Variants in BLTP2 observed in about 807,000 individuals in gnomAD.
BLTP2 encodes the protein bridge-like lipid transfer protein family member 2.
the BLTP2 span, chr17:28,642,373 C>T: frequency 1.7e-5 from 27 of 1,596,014 alleles, 1 homozygote; most frequent in Middle Eastern, 6.6e-4. Flanking sequence ...TTGGCCTTGC[C>T]GGGCGCGGTG....
the BLTP2 span, chr17:28,614,907 A>G: frequency 5.7e-6 from 4 of 695,740 alleles, no homozygotes; most frequent in South Asian, 7.2e-5. Context: ...ACTGTCCACC[A>G]TGCCCTGCAG....
At chr17:28,621,327 T>C in the BLTP2 span, 7 of 1,442,734 alleles carry the variant, frequency 4.9e-6, no homozygotes, top group African/African-American at 7.0e-5. Context: ...TAAGAATAGG[T>C]AGGGAAATGA....
the BLTP2 span, chr17:28,643,746 T>C: frequency 2.3e-6 from 3 of 1,325,250 alleles, no homozygotes; most frequent in Middle Eastern, 1.8e-4. Context: ...TCTGGATTAT[T>C]AGAATTTCTC....
chr17:28,629,707 G>A, the BLTP2 span, among the ~76,000 whole-genome samples: 1 of 152,134 alleles, frequency 6.6e-6, no homozygotes, highest in African/African-American at 2.4e-5. Flanking sequence ...TCAAACTCCT[G>A]ACCTCAAATG....
At chr17:28,628,815 T>C in the BLTP2 span, among the ~76,000 whole-genome samples, 3 of 151,812 alleles carry the variant, frequency 2.0e-5, no homozygotes, top group Non-Finnish European at 4.4e-5. Flanking sequence ...GCACTGGTAA[T>C]CCCAGCTACT....
the BLTP2 span, chr17:28,634,508 A>G: frequency 3.1e-6 from 5 of 1,605,354 alleles, no homozygotes; most frequent in South Asian, 4.4e-5. Flanking sequence ...TAAAGGAAAC[A>G]CTACTTACCC....
chr17:28,623,975 G>A, the BLTP2 span: 21 of 1,612,578 alleles, frequency 1.3e-5, no homozygotes, highest in South Asian at 2.3e-4. Context: ...ATCTATGCCA[G>A]AGATAGAAGC....
the BLTP2 span, among the ~76,000 whole-genome samples, chr17:28,644,823 C>T: frequency 2.1e-4 from 32 of 152,134 alleles, no homozygotes; most frequent in Admixed American, 2.6e-4. Context: ...GGGCCACGCG[C>T]CTCCTCACGA....
chr17:28,620,319 G>A, the BLTP2 span, among the ~76,000 whole-genome samples: 2 of 152,182 alleles, frequency 1.3e-5, no homozygotes, highest in East Asian at 1.9e-4. Context: ...CAAGCCCTAC[G>A]GTCTGAGAGA....
chr17:28,620,635 A>G, the BLTP2 span: 4 of 1,612,560 alleles, frequency 2.5e-6, no homozygotes, highest in East Asian at 4.5e-5. Context: ...CAGCCCCTAG[A>G]TAATTGTTAG....
the BLTP2 span, chr17:28,638,062 G>A: frequency 6.2e-7 from 1 of 1,614,222 alleles, no homozygotes; most frequent in Non-Finnish European, 8.5e-7. Flanking sequence ...CTGACTGGGT[G>A]CTGGACAGGC....
chr17:28,622,991 C>T, the BLTP2 span, among the ~76,000 whole-genome samples: 1 of 152,196 alleles, frequency 6.6e-6, no homozygotes, highest in Non-Finnish European at 1.5e-5. Flanking sequence ...AGGAGAATGG[C>T]TTGAACCCGG....
the BLTP2 span, chr17:28,634,962 C>T: frequency 6.2e-7 from 1 of 1,613,804 alleles, no homozygotes; most frequent in Non-Finnish European, 8.5e-7. Flanking sequence ...ATGAGAAGTG[C>T]TCAACCTTTA....
the BLTP2 span, chr17:28,634,429 T>C: frequency 3.1e-6 from 3 of 963,842 alleles, no homozygotes; most frequent in Non-Finnish European, 4.4e-6. Context: ...CAGTTCCCAA[T>C]ATAACCTAGT....
the BLTP2 span, among the ~76,000 whole-genome samples, chr17:28,625,956 G>T: frequency 1.3e-5 from 2 of 152,128 alleles, no homozygotes; most frequent in Admixed American, 6.6e-5. Context: ...GTAGAGACAG[G>T]GTTTCACCAT....
At chr17:28,621,326 G>A in the BLTP2 span, 4 of 1,437,820 alleles carry the variant, frequency 2.8e-6, no homozygotes, top group Non-Finnish European at 3.9e-6. Flanking sequence ...TTAAGAATAG[G>A]TAGGGAAATG....
the BLTP2 span, chr17:28,635,677 A>T: frequency 6.7e-7 from 1 of 1,486,178 alleles, no homozygotes; most frequent in Non-Finnish European, 9.1e-7. Context: ...GGCAAGGATT[A>T]TGACACATGC....
the BLTP2 span, chr17:28,633,040 G>C: frequency 6.3e-7 from 1 of 1,587,124 alleles, no homozygotes; most frequent in Non-Finnish European, 8.6e-7. Flanking sequence ...GGGCACCTCA[G>C]GCAGGAACTC....
chr17:28,619,852 G>A, the BLTP2 span: 3 of 1,613,760 alleles, frequency 1.9e-6, no homozygotes, highest in Non-Finnish European at 2.5e-6. Flanking sequence ...TCTATCTGCA[G>A]TGACTACCTT....
Sources: gnomAD v4.1 joint callset for allele counts (sites outside exome capture counted in the v4.1 genomes callset) on GRCh38, gnomAD v4.1.1 for gene constraint, MANE v1.5 for transcripts, NCBI Gene and HGNC (gene_info 2026-07-23, HGNC 2026-07-21) for gene names.